The following CYYR1 variants were observed in gnomAD, a reference collection of about 807,000 sequenced individuals.
CYYR1 encodes cysteine and tyrosine rich 1.
Under a neutral mutation model 15.2 loss-of-function variants are expected in CYYR1, and 14 were observed. That is an observed-to-expected ratio of 0.92 (90% CI 0.61 to 1.44). The LOEUF is 1.44. Among genes scored for constraint, CYYR1 ranks in the 40% most tolerant of loss-of-function variants. The pLI is 0.00. For missense variants in CYYR1, 228 were observed against 209.5 expected, an observed-to-expected ratio of 1.09 and a Z score of -0.54; for synonymous variants, 80 against 77.4, an observed-to-expected ratio of 1.03 and a Z score of -0.18.
chr21:26,513,893 A>G (rs573977771), intron 2 of CYYR1, among the ~76,000 whole-genome samples: 3 of 127,322 alleles, frequency 2.4e-5, no homozygotes, highest in African/African-American at 9.0e-5. Flanking sequence ...GAAGGGGACT[A>G]TCACACACCG....
chr21:26,471,860 A>G (rs1292696381), intron 3 of CYYR1, among the ~76,000 whole-genome samples: 1 of 152,170 alleles, frequency 6.6e-6, no homozygotes, highest in Non-Finnish European at 1.5e-5. Flanking sequence ...AAGTAGGGTA[A>G]ATAGGCCATT....
At chr21:26,572,202 G>A (rs1211451240) in intron 1 of CYYR1, among the ~76,000 whole-genome samples, 4 of 152,138 alleles carry the variant, frequency 2.6e-5, no homozygotes, top group Non-Finnish European at 4.4e-5. Context: ...CTTTATACCT[G>A]AATAACCAAT....
chr21:26,506,894 A>G (rs1013792846), intron 2 of CYYR1, among the ~76,000 whole-genome samples: 1 of 152,184 alleles, frequency 6.6e-6, no homozygotes, highest in South Asian at 2.1e-4. Flanking sequence ...TCCTGGGTTT[A>G]AAAAGCTGAT....
chr21:26,487,956 A>C (rs1341872344), intron 2 of CYYR1, among the ~76,000 whole-genome samples: 1 of 44,996 alleles, frequency 2.2e-5, no homozygotes, highest in Non-Finnish European at 6.3e-5. Flanking sequence ...ATATGCTAAT[A>C]ATGTTTTTTT....
chr21:26,470,053 A>G (rs1343932222), intron 3 of CYYR1, among the ~76,000 whole-genome samples: 1 of 152,110 alleles, frequency 6.6e-6, no homozygotes, highest in East Asian at 1.9e-4. Context: ...TTAATTGCCT[A>G]CTGTGAATGT....
In CYYR1 at chr21:26,468,514, T is replaced by C; in HGVS notation, c.455A>G (p.Asn152Ser). Residue 152 changes from asparagine to serine, a missense_variant, in exon 4 of 4, where the codon AAC (asparagine) becomes AGC (serine). By Grantham distance (46) the Asn-to-Ser change is conservative. Transcript: ENST00000652641. Reference sequence around the variant, plus strand: ...CTGGGAGATAGATTATTTCCTTGCGTTTCCAGGATAAGGAGGGGGTGGAGA... The same window carrying C: ...CTGGGAGATAGATTATTTCCTTGCGCTTCCAGGATAAGGAGGGGGTGGAGA... ...QRSPPPPYPGNARK is the reference protein window; with the variant it reads ...QRSPPPPYPGSARK The C allele has an allele frequency of 6.3e-7, 1 of 1,586,164 alleles. No homozygotes were observed. The highest frequency in any genetic ancestry group is 1.3e-5 in the African/African-American group (1 of 74,462).
intron 2 of CYYR1, among the ~76,000 whole-genome samples, chr21:26,490,022 G>A (rs1055838088): frequency 6.6e-6 from 1 of 151,990 alleles, no homozygotes; most frequent in African/African-American, 2.4e-5. Flanking sequence ...TATATTGAGC[G>A]GCTGGGGGCA....
At chr21:26,570,996 C>T (rs1980974302) in intron 1 of CYYR1, among the ~76,000 whole-genome samples, 1 of 152,210 alleles carries the variant, frequency 6.6e-6, no homozygotes, top group Non-Finnish European at 1.5e-5. Context: ...ACAAAATAGA[C>T]ATTGTCCTCA....
chr21:26,571,833 C>T (rs1981025629), intron 1 of CYYR1, among the ~76,000 whole-genome samples: 2 of 152,124 alleles, frequency 1.3e-5, no homozygotes, highest in African/African-American at 4.8e-5. Flanking sequence ...ATTTTTCCTG[C>T]CATAAAACAT....
intron 2 of CYYR1, among the ~76,000 whole-genome samples, chr21:26,539,586 G>A (rs1601808373): frequency 6.6e-6 from 1 of 152,280 alleles, no homozygotes; most frequent in East Asian, 1.9e-4. Context: ...CTTTAAAGCA[G>A]CAATTGTCTC....
At chr21:26,517,155 G>C (rs1364646999) in intron 2 of CYYR1, among the ~76,000 whole-genome samples, 1 of 140,726 alleles carries the variant, frequency 7.1e-6, no homozygotes, top group Non-Finnish European at 1.5e-5. Flanking sequence ...GAATTCACTG[G>C]GATAATCTAT....
rs111299459 is a variant in CYYR1, at chr21:26,566,475, T to C, written c.74-107A>G. 133 of 791,408 alleles carry C rather than the reference T, an allele frequency of 1.7e-4. 1 individual carries two copies. The African/African-American group carries it at 2.0e-3, about 12-fold the overall frequency. The allele number at this position is 791,408 out of a possible 1,614,324, so 49.0% of individuals were successfully genotyped here. ...TCAGCCAATGACCACCCTTTAGTGG[T>C]TTTAAATCTTCATTTTCGTCCTCAG... is the stretch of plus-strand genomic sequence containing the variant. On this transcript the variant is annotated intron_variant, in intron 1 of 3. Transcript: ENST00000652641.
At chr21:26,513,310 C>T (rs1017562634) in intron 2 of CYYR1, among the ~76,000 whole-genome samples, 1 of 152,184 alleles carries the variant, frequency 6.6e-6, no homozygotes, top group Non-Finnish European at 1.5e-5. Flanking sequence ...ACTGGGCTTG[C>T]TCATCTTTGT....
chr21:26,533,248 C>T (rs1224626963), intron 2 of CYYR1, among the ~76,000 whole-genome samples: 1 of 148,712 alleles, frequency 6.7e-6, no homozygotes, highest in African/African-American at 2.5e-5. Context: ...TTTATAAATA[C>T]TTATAAATAT....
At chr21:26,559,119 T>C (rs1394003740) in intron 2 of CYYR1, among the ~76,000 whole-genome samples, 1 of 152,202 alleles carries the variant, frequency 6.6e-6, no homozygotes, top group Non-Finnish European at 1.5e-5. Flanking sequence ...TTGCCCACAT[T>C]GCTTGGCACT....
chr21:26,569,227 T>C (rs1980853743), intron 1 of CYYR1: 1 of 151,758 alleles, frequency 6.6e-6, no homozygotes, highest in African/African-American at 2.4e-5. Flanking sequence ...ATGTGGTACA[T>C]ACACACCGTG....
At chr21:26,544,961 C>CA (rs973437528) in intron 2 of CYYR1, among the ~76,000 whole-genome samples, 16 of 151,374 alleles carry the variant, frequency 1.1e-4, no homozygotes, top group African/African-American at 3.4e-4. Context: ...AAAACAAAAA[C>CA]AAAAAAGAAA....
intron 2 of CYYR1, among the ~76,000 whole-genome samples, chr21:26,528,593 T>C (rs890866943): frequency 2.6e-5 from 4 of 152,200 alleles, no homozygotes; most frequent in African/African-American, 9.6e-5. Flanking sequence ...CTGTACAGCC[T>C]GTAGAACCAT....
chr21:26,523,789 T>A (rs1300633780), intron 2 of CYYR1, among the ~76,000 whole-genome samples: 1 of 152,160 alleles, frequency 6.6e-6, no homozygotes, highest in Non-Finnish European at 1.5e-5. Flanking sequence ...CATCACACCA[T>A]CTTGCCTTCA....
Sources: gnomAD v4.1 joint callset for allele counts (sites outside exome capture counted in the v4.1 genomes callset) on GRCh38, gnomAD v4.1.1 for gene constraint, MANE v1.5 for transcripts, NCBI Gene and HGNC (gene_info 2026-07-23, HGNC 2026-07-21) for gene names.